Variants in COX16 observed in about 807,000 individuals in gnomAD.
COX16 encodes the protein cytochrome c oxidase assembly factor COX16.
In COX16, 12 loss-of-function variants were observed where a neutral mutation model predicts 15.4. The observed-to-expected ratio is 0.78, with a 90% CI of 0.50 to 1.26. The LOEUF (loss-of-function observed/expected upper bound fraction) is 1.26, where lower values mean the gene tolerates loss of function less well. Ranked by LOEUF, COX16 falls within the 50% of genes most tolerant of loss-of-function variation. COX16 has a pLI of 0.00. For missense variants in COX16, 124 were observed against 127.6 expected (o/e 0.97, Z 0.14); for synonymous variants, 46 against 41.1 (o/e 1.12, Z -0.46).
chr14:70,330,454 C>T (rs1333380910), intron 2 of COX16, among the ~76,000 whole-genome samples: 2 of 151,974 alleles, frequency 1.3e-5, no homozygotes, highest in Non-Finnish European at 2.9e-5. Flanking sequence ...AGAAATAATG[C>T]CAGTGTAACA....
chr14:70,326,556 G>T, intron 3 of COX16, 107 bp from the exon 4 acceptor site: 1 of 700,246 alleles, frequency 1.4e-6, no homozygotes, highest in Non-Finnish European at 2.1e-6. Flanking sequence ...TATCCGATAG[G>T]TCCTCGATTA....
chr14:70,352,017 T>C (rs1488734022), intron 1 of COX16, among the ~76,000 whole-genome samples: 1 of 152,142 alleles, frequency 6.6e-6, no homozygotes, highest in Non-Finnish European at 1.5e-5. Context: ...CAATGACAAT[T>C]TGGGGATCTT....
chr14:70,329,259 A>G lies in COX16; in HGVS notation c.142-23T>C, dbSNP rs113641590. 8.6e-4 allele frequency: 1,360 copies of G among 1,588,470 alleles called. 7 individuals carry two copies. Among genetic ancestry groups the G allele is most frequent in the South Asian group, 7.8e-3 (676 of 86,698 alleles). ...CATCTGTAGAAAAGGAAAAAAAGTA[A>G]TAAGTTATCTAAGTCTGTTTGTTAG... On this transcript the variant is annotated intron_variant, in intron 2 of 3. Transcript: ENST00000389912.
chr14:70,359,367 A>G, intron 1 of COX16, 152 bp downstream of exon 1: 1 of 709,444 alleles, frequency 1.4e-6, no homozygotes, highest in Non-Finnish European at 2.5e-6. Context: ...CTGGTGGAAG[A>G]GCTTTTAGGA....
chr14:70,358,787 A>G (rs1400823136), intron 1 of COX16, among the ~76,000 whole-genome samples: 3 of 152,212 alleles, frequency 2.0e-5, no homozygotes, highest in Non-Finnish European at 4.4e-5. Context: ...CAAAAAGCAA[A>G]TAAGAGTCAT....
At chr14:70,352,301 C>T (rs1159817739) in intron 1 of COX16, among the ~76,000 whole-genome samples, 1 of 152,100 alleles carries the variant, frequency 6.6e-6, no homozygotes, top group Non-Finnish European at 1.5e-5. Flanking sequence ...ATTCTCCTGC[C>T]TCAGCCTCCC....
intron 2 of COX16, 82 bp from the exon 3 acceptor site, chr14:70,329,318 G>T: frequency 1.6e-6 from 2 of 1,239,470 alleles, no homozygotes; most frequent in Non-Finnish European, 2.2e-6. Context: ...TAGAAGAGAT[G>T]GCTGAAATAC....
rs1886172460 is a variant in COX16 at position 70,328,638 on chromosome 14, CA to C, written c.204+535del. On this transcript the variant is annotated intron_variant, in intron 3 of 3. Transcript: ENST00000389912. Reference sequence around the variant, plus strand: ...AGAATGATACTTATTTCCTTTTGTCCAAAAGTTTTACATGCTATGCTTTCCC... The same window carrying C: ...AGAATGATACTTATTTCCTTTTGTCCAAAGTTTTACATGCTATGCTTTCCC... Among the ~76,000 whole-genome samples the C allele has an allele frequency of 4.6e-5, 7 of 152,126 alleles. No homozygotes were observed. In the South Asian group the frequency reaches 1.5e-3, roughly 32 times the overall value.
At chr14:70,339,850 C>G (rs1398221192) in intron 2 of COX16, among the ~76,000 whole-genome samples, 1 of 152,134 alleles carries the variant, frequency 6.6e-6, no homozygotes, top group Non-Finnish European at 1.5e-5. Context: ...CTTCTCACCT[C>G]AACCATGTCC....
At chr14:70,345,092 C>T (rs1886737002) in intron 1 of COX16, among the ~76,000 whole-genome samples, 1 of 152,192 alleles carries the variant, frequency 6.6e-6, no homozygotes, top group South Asian at 2.1e-4. Context: ...TGAACCTACC[C>T]CTCCACCCCA....
At chr14:70,328,762 C>G (rs1386845319) in intron 3 of COX16, among the ~76,000 whole-genome samples, 3 of 152,108 alleles carry the variant, frequency 2.0e-5, no homozygotes, top group African/African-American at 7.2e-5. Flanking sequence ...TAAGATTAAA[C>G]TATATCTGTA....
At position 70,340,848 on chromosome 14, in the gene COX16, T is replaced by C. The variant is rs559421923; in HGVS notation, c.141+1810A>G. On this transcript the variant is annotated intron_variant, in intron 2 of 3. Coordinates refer to ENST00000389912, the MANE Select transcript of COX16 (RefSeq NM_016468.7). ...AGCCTAATTCAAAGGCTAATGCCTTTAGAAAACTTTCTCTGATTCTCCTTT... is the reference window on the plus strand; with the variant it reads ...AGCCTAATTCAAAGGCTAATGCCTTCAGAAAACTTTCTCTGATTCTCCTTT... Among the ~76,000 whole-genome samples, 6 of 152,370 alleles carry C rather than the reference T, an allele frequency of 3.9e-5. No individual in the cohort carries two copies. The South Asian group carries it at 1.2e-3, about 32-fold the overall frequency.
chr14:70,339,143 C>T (rs1293864118), intron 2 of COX16, among the ~76,000 whole-genome samples: 1 of 152,170 alleles, frequency 6.6e-6, no homozygotes, highest in East Asian at 1.9e-4. Context: ...AGACTTACTG[C>T]TCGCAATTGC....
At chr14:70,355,427 A>C (rs1887096600) in intron 1 of COX16, among the ~76,000 whole-genome samples, 1 of 152,036 alleles carries the variant, frequency 6.6e-6, no homozygotes, top group Admixed American at 6.5e-5. Context: ...CTATTCACTT[A>C]TTTTGTAATC....
intron 3 of COX16, among the ~76,000 whole-genome samples, chr14:70,326,673 C>T (rs768640578): frequency 1.3e-5 from 2 of 152,074 alleles, no homozygotes; most frequent in African/African-American, 4.8e-5. Flanking sequence ...CCACCTTAAC[C>T]GTAAAACTAT....
intron 1 of COX16, among the ~76,000 whole-genome samples, chr14:70,346,744 C>CT (rs1886795722): frequency 6.6e-6 from 1 of 152,070 alleles, no homozygotes; most frequent in East Asian, 1.9e-4. Flanking sequence ...ACACCCAGTC[C>CT]TCCCTTTTCT....
intron 2 of COX16, among the ~76,000 whole-genome samples, chr14:70,330,783 C>T (rs1437582558): frequency 6.6e-6 from 1 of 152,032 alleles, no homozygotes; most frequent in Admixed American, 6.6e-5. Context: ...CGAAACAATG[C>T]GATTGTCAAT....
chr14:70,359,668 A>C lies in COX16; in HGVS notation c.-81T>G. ...ATCTCAGCAGCTCACGCTCTCACCA[A>C]GACGAGTACGTCCTTAACTCACTTC... is the stretch of plus-strand genomic sequence containing the variant. On this transcript the variant is annotated 5_prime_UTR_variant, in exon 1 of 4. Transcript: ENST00000389912. 8.0e-7 allele frequency: 1 copy of C among 1,242,526 alleles called. No homozygotes were observed. The allele number at this position is 1,242,526 out of a possible 1,614,324, so 77.0% of individuals were successfully genotyped here.
At chr14:70,352,699 G>T (rs561896391) in intron 1 of COX16, among the ~76,000 whole-genome samples, 1 of 133,052 alleles carries the variant, frequency 7.5e-6, no homozygotes, top group Admixed American at 7.8e-5. Context: ...AGGCTGGAGT[G>T]CAGTGGCGCG....
Sources: gnomAD v4.1 joint callset for allele counts (sites outside exome capture counted in the v4.1 genomes callset) on GRCh38, gnomAD v4.1.1 for gene constraint, MANE v1.5 for transcripts, NCBI Gene and HGNC (gene_info 2026-07-23, HGNC 2026-07-21) for gene names.